Variants in ADGRL2 observed in about 807,000 individuals in gnomAD.
ADGRL2 encodes adhesion G protein-coupled receptor L2.
In ADGRL2, 44 loss-of-function variants were observed where a neutral mutation model predicts 157.4. The ratio of observed to expected loss-of-function variants is 0.28; its 90% CI spans 0.22 to 0.36. The LOEUF is 0.36. Among genes scored for constraint, ADGRL2 ranks in the 10% least tolerant of loss-of-function variants. The probability of loss-of-function intolerance (pLI) is 1.00; values close to 1 mark genes in which losing one functional copy is unlikely to be tolerated. For synonymous variants in ADGRL2, 585 were observed against 624.7 expected (o/e 0.94, Z 0.95); for missense variants, 1,510 against 1,768.9 (o/e 0.85, Z 2.63).
chr1:81,548,002 A>G (rs796287185), intron 2 of ADGRL2, among the ~76,000 whole-genome samples: 4 of 152,282 alleles, frequency 2.6e-5, no homozygotes, highest in African/African-American at 9.6e-5. Context: ...TATTACACAC[A>G]TTTTCAGCGT....
At chr1:81,405,029 T>C (rs2076828171) in intron 1 of ADGRL2, among the ~76,000 whole-genome samples, 1 of 152,220 alleles carries the variant, frequency 6.6e-6, no homozygotes. Flanking sequence ...GAGGTTCTAA[T>C]ACATAAATTC....
At chr1:81,910,417 A>G (rs991880027) in intron 3 of ADGRL2, among the ~76,000 whole-genome samples, 3 of 151,690 alleles carry the variant, frequency 2.0e-5, no homozygotes, top group Non-Finnish European at 2.9e-5. Flanking sequence ...ACTGAGCCCC[A>G]GTTTATTATA....
At chr1:81,439,229 G>A (rs1403212812) in intron 1 of ADGRL2, among the ~76,000 whole-genome samples, 1 of 152,106 alleles carries the variant, frequency 6.6e-6, no homozygotes, top group Admixed American at 6.5e-5. Flanking sequence ...TTCATCTGTA[G>A]GGTTTCTATC....
Position 81,993,660 on chromosome 1 carries a change from GA to G in ADGRL2, c.*2516del, listed in dbSNP as rs1393996624. 1.3e-5 allele frequency among the ~76,000 whole-genome samples: 2 copies of G among 151,944 alleles called. No individual in the cohort carries two copies. Among genetic ancestry groups the G allele is most frequent in the Non-Finnish European group, 2.9e-5 (2 of 67,980 alleles). ...AAATATTGCCTTAAATTCCATCTAG[GA>G]TTCCCTTAGTACAAGGTAGTTTCTT... On this transcript the variant is annotated 3_prime_UTR_variant, in exon 24 of 24. Transcript: ENST00000686636.
intron 2 of ADGRL2, among the ~76,000 whole-genome samples, chr1:81,499,012 T>G (rs1043301728): frequency 9.2e-5 from 14 of 152,200 alleles, no homozygotes; most frequent in African/African-American, 3.4e-4. Flanking sequence ...AACCACTAGA[T>G]GCTCACCTGC....
chr1:81,608,118 C>T (rs1170731691), intron 3 of ADGRL2, among the ~76,000 whole-genome samples: 1 of 152,134 alleles, frequency 6.6e-6, no homozygotes, highest in Non-Finnish European at 1.5e-5. Flanking sequence ...TTCCTTTTTT[C>T]TGCTACACTG....
At chr1:81,939,459 T>G (rs1647190889) in intron 4 of ADGRL2, among the ~76,000 whole-genome samples, 1 of 151,542 alleles carries the variant, frequency 6.6e-6, no homozygotes, top group Non-Finnish European at 1.5e-5. Flanking sequence ...AAAACTACTA[T>G]AATATTAGCC....
At chr1:81,848,715 T>A (rs755444556) in intron 2 of ADGRL2, among the ~76,000 whole-genome samples, 2 of 151,936 alleles carry the variant, frequency 1.3e-5, no homozygotes, top group African/African-American at 2.4e-5. Flanking sequence ...ACTTCAACTT[T>A]CAAATAATCT....
intron 3 of ADGRL2, among the ~76,000 whole-genome samples, chr1:81,931,331 T>G (rs2095226358): frequency 6.6e-6 from 1 of 152,148 alleles, no homozygotes; most frequent in Admixed American, 6.5e-5. Flanking sequence ...TATTAAAAGG[T>G]TTTATTATTG....
At chr1:81,557,448 AG>A (rs796135397) in intron 2 of ADGRL2, 14 of 96,486 alleles carry the variant, frequency 1.5e-4, no homozygotes, top group African/African-American at 4.4e-4. Context: ...AGAAAGAAAG[AG>A]AGAAAGAAAG....
chr1:81,789,458 T>A (rs577807250), intron 2 of ADGRL2, among the ~76,000 whole-genome samples: 22 of 152,236 alleles, frequency 1.4e-4, no homozygotes, highest in African/African-American at 5.3e-4. Flanking sequence ...CTGGGAGCAG[T>A]AGCTCATGCC....
intron 2 of ADGRL2, among the ~76,000 whole-genome samples, chr1:81,860,920 A>C (rs2093367125): frequency 6.6e-6 from 1 of 152,020 alleles, no homozygotes; most frequent in South Asian, 2.1e-4. Flanking sequence ...GATTGTTCTT[A>C]AGTATGCAGT....
intron 3 of ADGRL2, among the ~76,000 whole-genome samples, chr1:81,924,200 A>G (rs1014636139): frequency 1.3e-5 from 2 of 152,120 alleles, no homozygotes; most frequent in Non-Finnish European, 2.9e-5. Flanking sequence ...TTAGGATTGC[A>G]TGGAGGGCAC....
At chr1:81,665,223 C>T (rs1156995751) in intron 3 of ADGRL2, among the ~76,000 whole-genome samples, 1 of 151,986 alleles carries the variant, frequency 6.6e-6, no homozygotes, top group East Asian at 1.9e-4. Flanking sequence ...TTTATGAAGA[C>T]CATTTGAGGT....
At chr1:81,377,394 A>G (rs541982903) in intron 1 of ADGRL2, among the ~76,000 whole-genome samples, 1 of 152,248 alleles carries the variant, frequency 6.6e-6, no homozygotes, top group African/African-American at 2.4e-5. Flanking sequence ...GATCATTATT[A>G]CCCTCCTCAT....
chr1:81,743,348 G>C (rs1257244183), intron 1 of ADGRL2, among the ~76,000 whole-genome samples: 1 of 151,412 alleles, frequency 6.6e-6, no homozygotes, highest in East Asian at 1.9e-4. Flanking sequence ...ATAAAAATAG[G>C]GACATTCTTA....
intron 2 of ADGRL2, among the ~76,000 whole-genome samples, chr1:81,512,372 A>G (rs2079095749): frequency 6.6e-6 from 1 of 152,218 alleles, no homozygotes; most frequent in African/African-American, 2.4e-5. Flanking sequence ...CAGGGACAAT[A>G]TAATTGTGGT....
chr1:81,899,207 A>G (rs1359435981), intron 2 of ADGRL2, among the ~76,000 whole-genome samples: 2 of 152,212 alleles, frequency 1.3e-5, no homozygotes, highest in Non-Finnish European at 2.9e-5. Context: ...TTAGAAAAGC[A>G]AATGTTCCTC....
At chr1:81,349,505 T>C (rs957698490) in intron 1 of ADGRL2, among the ~76,000 whole-genome samples, 1 of 152,074 alleles carries the variant, frequency 6.6e-6, no homozygotes, top group African/African-American at 2.4e-5. Flanking sequence ...GAATGTGGGA[T>C]GGTATTGGTG....
Sources: gnomAD v4.1 joint callset for allele counts (sites outside exome capture counted in the v4.1 genomes callset) on GRCh38, gnomAD v4.1.1 for gene constraint, MANE v1.5 for transcripts, NCBI Gene and HGNC (gene_info 2026-07-23, HGNC 2026-07-21) for gene names.